Variants in PTPN4 observed in about 807,000 individuals in gnomAD.
The protein encoded by PTPN4 is protein tyrosine phosphatase non-receptor type 4.
A neutral mutation model predicts 135.5 loss-of-function variants in PTPN4; 49 were observed. That is an observed-to-expected ratio of 0.36 (90% CI 0.29 to 0.46). PTPN4 has a LOEUF of 0.46. Among genes scored for constraint, PTPN4 ranks in the 20% least tolerant of loss-of-function variants. The pLI, the probability that PTPN4 is intolerant of heterozygous loss-of-function variation, is 1.00. For missense variants in PTPN4, 860 were observed against 1,101.0 expected, an observed-to-expected ratio of 0.78 and a Z score of 3.10; for synonymous variants, 333 against 369.9, an observed-to-expected ratio of 0.90 and a Z score of 1.14.
chr2:119,849,925 T>C (rs1206739115), intron 2 of PTPN4, among the ~76,000 whole-genome samples: 1 of 152,250 alleles, frequency 6.6e-6, no homozygotes, highest in East Asian at 1.9e-4. Context: ...GCATAAATTG[T>C]TCCACAGTCT....
At chr2:119,883,730 A>G (rs575218548) in intron 8 of PTPN4, among the ~76,000 whole-genome samples, 21 of 152,236 alleles carry the variant, frequency 1.4e-4, no homozygotes, top group Non-Finnish European at 2.6e-4. Flanking sequence ...TAAACTGGGG[A>G]TAATAAAAGT....
chr2:119,941,304 T>A (rs1288304186), intron 15 of PTPN4, among the ~76,000 whole-genome samples: 1 of 152,158 alleles, frequency 6.6e-6, no homozygotes, highest in Non-Finnish European at 1.5e-5. Flanking sequence ...TAAATTGAAT[T>A]AATATTCTTG....
intron 26 of PTPN4, among the ~76,000 whole-genome samples, chr2:119,975,469 A>C (rs557460730): frequency 1.3e-5 from 2 of 152,224 alleles, no homozygotes; most frequent in East Asian, 3.9e-4. Context: ...CACGCCTGTA[A>C]TCTCAGCACT....
intron 10 of PTPN4, among the ~76,000 whole-genome samples, chr2:119,914,671 G>A (rs1031598449): frequency 1.3e-5 from 2 of 152,026 alleles, no homozygotes; most frequent in Admixed American, 1.3e-4. Context: ...TGTTTACTGT[G>A]TTACTTATTT....
intron 1 of PTPN4, among the ~76,000 whole-genome samples, chr2:119,809,622 TA>T (rs577072830): frequency 0.018 from 2,612 of 148,770 alleles, 42 homozygotes; most frequent in Non-Finnish European, 0.027. Flanking sequence ...ATGGAGCAGT[TA>T]AAAAAAAAAC....
At chr2:119,921,494 C>G (rs1000097255) in intron 12 of PTPN4, among the ~76,000 whole-genome samples, 3 of 152,078 alleles carry the variant, frequency 2.0e-5, no homozygotes, top group Admixed American at 1.3e-4. Flanking sequence ...TACATGACTC[C>G]CACCCCAGAA....
intron 25 of PTPN4, 86 bp from the exon 26 acceptor site, chr2:119,967,751 G>T: frequency 1.9e-6 from 2 of 1,067,972 alleles, no homozygotes; most frequent in Non-Finnish European, 2.6e-6. Flanking sequence ...GTTCTTCTGT[G>T]TTATAATTCA....
intron 26 of PTPN4, among the ~76,000 whole-genome samples, chr2:119,968,881 A>C (rs1009768179): frequency 6.6e-6 from 1 of 152,232 alleles, no homozygotes; most frequent in African/African-American, 2.4e-5. Flanking sequence ...ATTATGCTTC[A>C]GGAGCCAAAA....
chr2:119,896,864 T>C (rs1678331402), intron 9 of PTPN4, among the ~76,000 whole-genome samples: 1 of 152,148 alleles, frequency 6.6e-6, no homozygotes, highest in African/African-American at 2.4e-5. Context: ...TTATTCTCCT[T>C]ATTAAAGCTC....
intron 25 of PTPN4, among the ~76,000 whole-genome samples, 197 bp from the exon 26 acceptor site, chr2:119,967,640 A>G (rs1269696130): frequency 6.6e-6 from 1 of 152,220 alleles, no homozygotes; most frequent in East Asian, 1.9e-4. Flanking sequence ...GGTAGATGGA[A>G]GATACAGAAC....
chr2:119,861,781 A>G (rs2104987347), intron 2 of PTPN4, among the ~76,000 whole-genome samples: 1 of 152,224 alleles, frequency 6.6e-6, no homozygotes, highest in East Asian at 1.9e-4. Context: ...GGATTATCTA[A>G]TCATGCCTTT....
intron 9 of PTPN4, among the ~76,000 whole-genome samples, chr2:119,895,611 C>T (rs950531431): frequency 1.3e-4 from 19 of 151,692 alleles, no homozygotes; most frequent in African/African-American, 4.4e-4. Flanking sequence ...TGGACAAGAG[C>T]GAGACTCCAT....
intron 13 of PTPN4, among the ~76,000 whole-genome samples, chr2:119,926,917 G>A (rs1678832803): frequency 6.6e-6 from 1 of 151,864 alleles, no homozygotes; most frequent in African/African-American, 2.4e-5. Context: ...CAAATATTAT[G>A]TTATTAATAT....
chr2:119,910,182 A>G (rs534302458), intron 10 of PTPN4, among the ~76,000 whole-genome samples: 1 of 152,092 alleles, frequency 6.6e-6, no homozygotes, highest in Non-Finnish European at 1.5e-5. Flanking sequence ...CCCTCCACCA[A>G]CAAAAGATTA....
intron 1 of PTPN4, 25 bp downstream of exon 1, chr2:119,760,409 G>T: frequency 2.6e-6 from 1 of 387,548 alleles, no homozygotes; most frequent in Non-Finnish European, 4.6e-6. Flanking sequence ...GGTCCCCGCC[G>T]GCCTCTCGGC....
At chr2:119,786,496 C>T (rs1412737753) in intron 1 of PTPN4, among the ~76,000 whole-genome samples, 2 of 152,174 alleles carry the variant, frequency 1.3e-5, no homozygotes, top group Non-Finnish European at 2.9e-5. Flanking sequence ...GAAGTTGCTC[C>T]ACTCACATAT....
chr2:119,789,254 T>G (rs1691097674), intron 1 of PTPN4, among the ~76,000 whole-genome samples: 2 of 152,192 alleles, frequency 1.3e-5, no homozygotes, highest in African/African-American at 4.8e-5. Context: ...TTGACGTTCT[T>G]TGTCCTTTTT....
chr2:119,957,178 A>C, intron 22 of PTPN4, 101 bp downstream of exon 22: 1 of 1,080,656 alleles, frequency 9.3e-7, no homozygotes. Context: ...TAGAATATTA[A>C]AACTTTCAGC....
chr2:119,951,265 C>T (rs1679207528), intron 18 of PTPN4, among the ~76,000 whole-genome samples: 1 of 152,182 alleles, frequency 6.6e-6, no homozygotes, highest in Non-Finnish European at 1.5e-5. Context: ...TCTCCAACAA[C>T]AGTGTTAACA....
Sources: gnomAD v4.1 joint callset for allele counts (sites outside exome capture counted in the v4.1 genomes callset) on GRCh38, gnomAD v4.1.1 for gene constraint, MANE v1.5 for transcripts, NCBI Gene and HGNC (gene_info 2026-07-23, HGNC 2026-07-21) for gene names.